The following SS18 variants were observed in gnomAD, a reference collection of about 807,000 sequenced individuals.
The protein encoded by SS18 is protein SSXT.
Under a neutral mutation model 72.5 loss-of-function variants are expected in SS18, and 28 were observed. The observed-to-expected ratio is 0.39, with a 90% CI of 0.29 to 0.53. The LOEUF (loss-of-function observed/expected upper bound fraction) is 0.53. Among genes scored for constraint, SS18 ranks in the 20% least tolerant of loss-of-function variants. The probability of loss-of-function intolerance (pLI) is 0.76; values close to 1 mark genes in which losing one functional copy is unlikely to be tolerated. For missense variants in SS18, 518 were observed against 535.3 expected, an observed-to-expected ratio of 0.97 and a Z score of 0.32; for synonymous variants, 172 against 164.2, an observed-to-expected ratio of 1.05 and a Z score of -0.37.
rs572120914 is a variant in SS18 at position 26,039,595 on chromosome 18, A to G, written c.608-139T>C. On this transcript the variant is annotated intron_variant, in intron 5 of 10. Coordinates refer to ENST00000415083, the MANE Select transcript of SS18 (RefSeq NM_001007559.3). ...TAAAAACTGATTTCAAATAATAAAAATAAGTCTTTGAATTAAAATTCACAT... is the reference window on the plus strand; with the variant it reads ...TAAAAACTGATTTCAAATAATAAAAGTAAGTCTTTGAATTAAAATTCACAT... The G allele has an allele frequency of 1.7e-5, 13 of 773,808 alleles. No individual in the cohort carries two copies. The African/African-American group carries it at 2.1e-4, about 13-fold the overall frequency. 47.9% of individuals were successfully genotyped at this position (773,808 alleles called of 1,614,324 possible).
At chr18:26,022,369 GAA>G (rs1464424261) in intron 10 of SS18, among the ~76,000 whole-genome samples, 1 of 151,266 alleles carries the variant, frequency 6.6e-6, no homozygotes, top group Non-Finnish European at 1.5e-5. Flanking sequence ...CAAATGAAGA[GAA>G]ATGTTATGTT....
intron 10 of SS18, among the ~76,000 whole-genome samples, chr18:26,028,556 CAAAT>C (rs1314528460): frequency 6.6e-6 from 1 of 152,056 alleles, no homozygotes; most frequent in Non-Finnish European, 1.5e-5. Context: ...AATGGACAAA[CAAAT>C]AGCCATATAA....
chr18:26,064,535 C>T (rs1228964259), intron 3 of SS18, among the ~76,000 whole-genome samples: 1 of 139,796 alleles, frequency 7.2e-6, no homozygotes, highest in Non-Finnish European at 1.5e-5. Context: ...ATCATCTCAA[C>T]AGATAAAGAA....
chr18:26,032,511 C>T lies in SS18; in HGVS notation c.1118G>A (p.Gly373Asp), dbSNP rs763528676. ...QGYGPSQGGPGPQYPNYPQGQ... is the reference protein window; with the variant it reads ...QGYGPSQGGPDPQYPNYPQGQ... ...CTGTGGGTAGTTAGGATACTGAGGA[C>T]CTGGACCACCCTGTGAAGGACCTGA... Residue 373 changes from glycine (G) to aspartate (D), a missense_variant, in exon 10 of 11, where the codon GGT (glycine) becomes GAT (aspartate). Coordinates refer to ENST00000415083, the MANE Select transcript of SS18 (RefSeq NM_001007559.3). 8 of 1,613,630 alleles carry T rather than the reference C, an allele frequency of 5.0e-6. No individual in the cohort carries two copies. The highest frequency in any genetic ancestry group is 6.8e-6 in the Non-Finnish European group (8 of 1,179,774).
chr18:26,075,588 T>C (rs1598604935), intron 3 of SS18, among the ~76,000 whole-genome samples: 1 of 152,054 alleles, frequency 6.6e-6, no homozygotes, highest in East Asian at 1.9e-4. Context: ...GCTTCCTTAA[T>C]CTGACAAGTT....
At chr18:26,060,977 T>C (rs188952859) in intron 3 of SS18, among the ~76,000 whole-genome samples, 25 of 140,942 alleles carry the variant, frequency 1.8e-4, no homozygotes, top group Admixed American at 5.0e-4. Context: ...AAACAGATTA[T>C]GGAGTTACTA....
At chr18:26,022,476 A>T (rs2053369371) in intron 10 of SS18, among the ~76,000 whole-genome samples, 2 of 152,146 alleles carry the variant, frequency 1.3e-5, no homozygotes, top group African/African-American at 4.8e-5. Context: ...TGATAATCAT[A>T]TTCAGGACAC....
intron 10 of SS18, among the ~76,000 whole-genome samples, chr18:26,024,492 T>C (rs536201280): frequency 4.3e-4 from 66 of 152,280 alleles, no homozygotes; most frequent in African/African-American, 1.4e-3. Context: ...CCTGGCTAGT[T>C]TTTTGTAGAG....
At position 26,069,774 on chromosome 18, in the gene SS18, C is replaced by T. The variant is rs55822547; in HGVS notation, c.231+8302G>A. On this transcript the variant is annotated intron_variant, in intron 3 of 10. Coordinates refer to ENST00000415083, the MANE Select transcript of SS18 (RefSeq NM_001007559.3). ...TCTCCCCAAGTTTTTCTCAAAGAAA[C>T]ATTAATGAATAAAAACTTTTCTTGA... Among the ~76,000 whole-genome samples, 742 of 152,260 alleles carry T rather than the reference C, an allele frequency of 4.9e-3. 3 individuals carry two copies. The highest frequency in any genetic ancestry group is 8.9e-3 in the Non-Finnish European group (603 of 67,992).
intron 10 of SS18, among the ~76,000 whole-genome samples, chr18:26,023,994 T>C (rs78129359): frequency 0.05 from 7,651 of 152,218 alleles, 384 homozygotes; most frequent in East Asian, 0.15. Context: ...TCTTACACTA[T>C]GTATAGGCAT....
chr18:26,076,774 G>T (rs192002820), intron 3 of SS18, among the ~76,000 whole-genome samples: 46 of 152,018 alleles, frequency 3.0e-4, no homozygotes, highest in Admixed American at 8.5e-4. Flanking sequence ...CCATTGATCA[G>T]AGAAACAAAA....
At chr18:26,023,212 T>C (rs552988579) in intron 10 of SS18, among the ~76,000 whole-genome samples, 12 of 152,052 alleles carry the variant, frequency 7.9e-5, no homozygotes, top group South Asian at 2.1e-4. Flanking sequence ...TAAAATGACA[T>C]AGATTATTAG....
chr18:26,071,749 GC>G (rs2054313314), intron 3 of SS18, among the ~76,000 whole-genome samples: 1 of 152,008 alleles, frequency 6.6e-6, no homozygotes, highest in Admixed American at 6.6e-5. Flanking sequence ...GATTTCTTGA[GC>G]CCAAAAGTTC....
chr18:26,084,216 A>T (rs2054578238), intron 2 of SS18: 1 of 152,250 alleles, frequency 6.6e-6, no homozygotes, highest in South Asian at 2.1e-4. Context: ...GTAAGAGATT[A>T]TAACCTAGAG....
At chr18:26,053,123 G>C (rs2053952124) in intron 4 of SS18, among the ~76,000 whole-genome samples, 1 of 152,166 alleles carries the variant, frequency 6.6e-6, no homozygotes, top group African/African-American at 2.4e-5. Flanking sequence ...CATAAGGTTG[G>C]AGTAATTAAC....
chr18:26,060,878 C>G (rs2054111117), intron 3 of SS18, among the ~76,000 whole-genome samples: 1 of 148,266 alleles, frequency 6.7e-6, no homozygotes, highest in South Asian at 2.2e-4. Flanking sequence ...ATCGCTTGCA[C>G]CTGGGAGGTG....
chr18:26,045,990 C>T (rs2053813547), intron 5 of SS18, among the ~76,000 whole-genome samples: 1 of 151,736 alleles, frequency 6.6e-6, no homozygotes, highest in African/African-American at 2.4e-5. Flanking sequence ...AGTTCAAGAC[C>T]AGCCTGGCCA....
intron 4 of SS18, among the ~76,000 whole-genome samples, chr18:26,054,580 T>C (rs915012584): frequency 6.6e-6 from 1 of 152,088 alleles, no homozygotes; most frequent in Non-Finnish European, 1.5e-5. Context: ...GAATAAGGCA[T>C]CTATTTACAT....
chr18:26,076,962 T>C (rs1306055896), intron 3 of SS18, among the ~76,000 whole-genome samples: 1 of 152,004 alleles, frequency 6.6e-6, no homozygotes, highest in African/African-American at 2.4e-5. Flanking sequence ...GACTTTCCTA[T>C]GGGGACTCTC....
Sources: gnomAD v4.1 joint callset for allele counts (sites outside exome capture counted in the v4.1 genomes callset) on GRCh38, gnomAD v4.1.1 for gene constraint, MANE v1.5 for transcripts, NCBI Gene and HGNC (gene_info 2026-07-23, HGNC 2026-07-21) for gene names.